Variants in PKP4 observed in about 807,000 individuals in gnomAD.
PKP4 encodes the protein plakophilin 4, also known as plakophilin-4.
PKP4 carries 90 observed loss-of-function variants against 145.1 expected under a neutral mutation model. The observed-to-expected ratio is 0.62, with a 90% confidence interval of 0.52 to 0.74. The LOEUF (loss-of-function observed/expected upper bound fraction) is 0.74, where lower values mean the gene tolerates loss of function less well. Among genes scored for constraint, PKP4 ranks in the 30% least tolerant of loss-of-function variants. The pLI, the probability that PKP4 is intolerant of heterozygous loss-of-function variation, is 0.00. For synonymous variants in PKP4, 563 were observed against 577.2 expected, an observed-to-expected ratio of 0.98 and a Z score of 0.35; for missense variants, 1,340 against 1,482.7, an observed-to-expected ratio of 0.90 and a Z score of 1.58.
At chr2:158,513,636 T>C (rs1205483205) in intron 1 of PKP4, among the ~76,000 whole-genome samples, 1 of 152,124 alleles carries the variant, frequency 6.6e-6, no homozygotes, top group Non-Finnish European at 1.5e-5. Context: ...GTTGACACCA[T>C]CTAACTTTTA....
Position 158,667,907 on chromosome 2 carries a change from T to A in PKP4, c.2728+1344T>A, listed in dbSNP as rs1273333305. Among the ~76,000 whole-genome samples the A allele has an allele frequency of 2.0e-5, 3 of 152,202 alleles. No individual in the cohort carries two copies. In the East Asian group the frequency reaches 5.8e-4, roughly 29 times the overall value. ...TTTTCTTACGTCTGTATTGTTTGGA[T>A]TTCTTATAAGAAGCATGTATAATTT... On this transcript the variant is annotated intron_variant, in intron 16 of 21. Transcript: ENST00000389759.
chr2:158,459,427 G>T (rs975407728), intron 1 of PKP4, among the ~76,000 whole-genome samples: 3 of 147,100 alleles, frequency 2.0e-5, no homozygotes, highest in Non-Finnish European at 4.5e-5. Context: ...CATGGACATT[G>T]AAAACTATTA....
intron 2 of PKP4, among the ~76,000 whole-genome samples, chr2:158,540,027 C>G (rs2044378378): frequency 6.6e-6 from 1 of 152,118 alleles, no homozygotes; most frequent in South Asian, 2.1e-4. Flanking sequence ...AGAAGTTGTC[C>G]TTCTCAACAT....
At chr2:158,633,392 A>G (rs548526554) in intron 8 of PKP4, among the ~76,000 whole-genome samples, 1 of 152,374 alleles carries the variant, frequency 6.6e-6, no homozygotes, top group Middle Eastern at 3.4e-3. Context: ...AATAGTCAAG[A>G]CAGCTGCTAA....
At chr2:158,530,324 T>C (rs2043401286) in intron 1 of PKP4, among the ~76,000 whole-genome samples, 2 of 152,012 alleles carry the variant, frequency 1.3e-5, no homozygotes, top group African/African-American at 2.4e-5. Context: ...TTTTCCTCCT[T>C]CCAGTTTTCT....
intron 1 of PKP4, among the ~76,000 whole-genome samples, chr2:158,516,118 C>T (rs1218745103): frequency 6.7e-6 from 1 of 149,616 alleles, no homozygotes. Flanking sequence ...TGAGATTAAA[C>T]AGGTTCTTTT....
chr2:158,602,598 G>GA (rs1381796911), intron 3 of PKP4, among the ~76,000 whole-genome samples: 1 of 152,152 alleles, frequency 6.6e-6, no homozygotes. Flanking sequence ...TTTTTGATAT[G>GA]AAGTTCTGCG....
At chr2:158,524,244 T>C (rs1201515542) in intron 1 of PKP4, among the ~76,000 whole-genome samples, 1 of 125,692 alleles carries the variant, frequency 8.0e-6, no homozygotes, top group Non-Finnish European at 1.6e-5. Flanking sequence ...AAGGCCGGGT[T>C]ACCCTCAAAG....
At chr2:158,549,150 G>A (rs983313587) in intron 2 of PKP4, 3 of 200,034 alleles carry the variant, frequency 1.5e-5, no homozygotes, top group Admixed American at 1.4e-4. Flanking sequence ...CAGTGTCCTG[G>A]GTTCCAAGTC....
intron 1 of PKP4, among the ~76,000 whole-genome samples, chr2:158,487,767 G>C (rs1694375149): frequency 6.7e-6 from 1 of 149,880 alleles, no homozygotes; most frequent in South Asian, 2.2e-4. Flanking sequence ...GATGGTGAAA[G>C]AAAGACTGAG....
intron 4 of PKP4, among the ~76,000 whole-genome samples, chr2:158,605,543 C>T (rs1318187494): frequency 6.6e-6 from 1 of 152,104 alleles, no homozygotes; most frequent in African/African-American, 2.4e-5. Context: ...GCAAATTTGG[C>T]ACACATGCAT....
At chr2:158,573,359 CAT>C (rs1257297530) in intron 2 of PKP4, among the ~76,000 whole-genome samples, 5 of 152,208 alleles carry the variant, frequency 3.3e-5, no homozygotes, top group Admixed American at 6.5e-5. Flanking sequence ...ATAAAATACT[CAT>C]GTGAATATTA....
intron 4 of PKP4, among the ~76,000 whole-genome samples, chr2:158,610,472 G>A (rs560279125): frequency 4.9e-4 from 74 of 152,294 alleles, no homozygotes; most frequent in African/African-American, 1.6e-3. Context: ...AATTCTTCAT[G>A]AGCGAAAATG....
At chr2:158,562,842 C>A (rs922554967) in intron 2 of PKP4, among the ~76,000 whole-genome samples, 2 of 152,006 alleles carry the variant, frequency 1.3e-5, no homozygotes, top group African/African-American at 2.4e-5. Context: ...TAATTGGGTC[C>A]TCTTGCGTGT....
chr2:158,663,492 T>C (rs1265871942), intron 15 of PKP4, 47 bp downstream of exon 15: 11 of 1,475,384 alleles, frequency 7.5e-6, no homozygotes, highest in Non-Finnish European at 1.0e-5. Flanking sequence ...CTTTGCAAAC[T>C]AACTTGAAAT....
intron 15 of PKP4, among the ~76,000 whole-genome samples, chr2:158,665,251 G>C (rs576193331): frequency 6.6e-6 from 1 of 152,184 alleles, no homozygotes; most frequent in African/African-American, 2.4e-5. Flanking sequence ...TTCTGTTGTT[G>C]CAGGTTTCAG....
At chr2:158,606,326 G>A (rs2050652159) in intron 4 of PKP4, among the ~76,000 whole-genome samples, 2 of 151,188 alleles carry the variant, frequency 1.3e-5, no homozygotes, top group South Asian at 2.1e-4. Context: ...GCAACAGAGC[G>A]AGACTCCTTC....
At chr2:158,650,055 T>C (rs1332983552) in intron 11 of PKP4, among the ~76,000 whole-genome samples, 1 of 152,220 alleles carries the variant, frequency 6.6e-6, no homozygotes, top group Non-Finnish European at 1.5e-5. Context: ...ATAGTGTAAC[T>C]GTGACAGTAT....
chr2:158,533,050 A>T, intron 1 of PKP4, 130 bp from the exon 2 acceptor site: 1 of 872,508 alleles, frequency 1.1e-6, no homozygotes, highest in Non-Finnish European at 1.7e-6. Flanking sequence ...AAAATTTAGC[A>T]ATTTCACAAG....
Sources: allele counts gnomAD v4.1 joint callset (sites outside exome capture counted in the v4.1 genomes callset), GRCh38; gene constraint gnomAD v4.1.1; transcripts MANE v1.5; gene names NCBI Gene and HGNC (gene_info 2026-07-23, HGNC 2026-07-21).